The following KALRN variants were observed in gnomAD, a reference collection of about 807,000 sequenced individuals.
KALRN encodes the protein kalirin RhoGEF kinase.
In KALRN, 70 loss-of-function variants were observed where a neutral mutation model predicts 353.7. The observed-to-expected ratio is 0.20, with a 90% confidence interval of 0.16 to 0.24. The LOEUF is 0.24. KALRN is among the 10% of genes least tolerant of loss of function. KALRN has a pLI of 1.00. For missense variants in KALRN, 2,791 were observed against 3,756.7 expected (o/e 0.74, Z 6.72); for synonymous variants, 1,391 against 1,434.8 (o/e 0.97, Z 0.69).
intron 34 of KALRN, among the ~76,000 whole-genome samples, chr3:124,597,393 C>A (rs779293533): frequency 6.6e-6 from 1 of 152,178 alleles, no homozygotes; most frequent in Admixed American, 6.5e-5. Flanking sequence ...AACAGTGCTG[C>A]GAGGTCCTGC....
At chr3:124,651,027 C>T in intron 38 of KALRN, 89 bp downstream of exon 38, 2 of 1,495,066 alleles carry the variant, frequency 1.3e-6, no homozygotes, top group East Asian at 4.5e-5. Flanking sequence ...AGAGGGGTTC[C>T]CCACGCTGTT....
chr3:124,365,414 C>T (rs190496851), intron 10 of KALRN, among the ~76,000 whole-genome samples: 103 of 152,304 alleles, frequency 6.8e-4, no homozygotes, highest in African/African-American at 2.3e-3. Context: ...GGCTAGTCTG[C>T]ATTCCACGGG....
intron 13 of KALRN, among the ~76,000 whole-genome samples, chr3:124,411,278 G>T (rs372512883): frequency 9.9e-5 from 15 of 151,980 alleles, no homozygotes; most frequent in Non-Finnish European, 1.5e-4. Flanking sequence ...TTTTGGCGAT[G>T]ACTACATGGG....
rs754497724 is a variant in KALRN, at chr3:124,719,439, A to G, written c.8930A>G (p.Tyr2977Cys). ...CGGCCTATTCCCAATGTCAAGAGCTACATTGTCAACCGGGTGAACCAAGGG... is the reference window on the plus strand; with the variant it reads ...CGGCCTATTCCCAATGTCAAGAGCTGCATTGTCAACCGGGTGAACCAAGGG... ...DVRPIPNVKS[Y>C]IVNRVNQGT Residue 2977 changes from tyrosine (Y) to cysteine (C), a missense_variant, in exon 60 of 60, where the codon TAC becomes TGC. By Grantham distance (194) the Tyr-to-Cys change is radical. This residue lies in a region of KALRN where 32 missense variants were observed against 27.4 expected (regional missense o/e 1.17). Coordinates refer to ENST00000682506, the MANE Select transcript of KALRN (RefSeq NM_001388419.1). This position sits in a 1 kb window ranked among gnomAD's most constrained non-coding sequence, Gnocchi z 5.3. The G allele has an allele frequency of 7.4e-6, 12 of 1,613,748 alleles. No individual in the cohort carries two copies. The South Asian group carries it at 1.3e-4, about 18-fold the overall frequency.
At chr3:124,475,074 A>AT (rs1323526576) in intron 26 of KALRN, among the ~76,000 whole-genome samples, 1 of 152,124 alleles carries the variant, frequency 6.6e-6, no homozygotes, top group Non-Finnish European at 1.5e-5. Flanking sequence ...TTTAAAAAAA[A>AT]TTTTTTATCT....
chr3:124,482,108 A>G (rs1203315718), intron 27 of KALRN, among the ~76,000 whole-genome samples: 3 of 152,244 alleles, frequency 2.0e-5, no homozygotes, highest in Non-Finnish European at 4.4e-5. Flanking sequence ...TAGCCTGGGC[A>G]TGAGTGATGA....
intron 1 of KALRN, among the ~76,000 whole-genome samples, chr3:124,106,569 A>T (rs1347872761): frequency 1.3e-5 from 2 of 152,186 alleles, no homozygotes; most frequent in Non-Finnish European, 2.9e-5. Context: ...CAATCAAGAC[A>T]TCAGTTCCTC....
At chr3:124,196,974 A>G (rs1187162779) in intron 1 of KALRN, among the ~76,000 whole-genome samples, 1 of 152,230 alleles carries the variant, frequency 6.6e-6, no homozygotes, top group Admixed American at 6.5e-5. Flanking sequence ...AAGTCACACA[A>G]TTCTTGAGTG....
At chr3:124,372,401 G>A (rs1367560499) in intron 10 of KALRN, among the ~76,000 whole-genome samples, 1 of 151,906 alleles carries the variant, frequency 6.6e-6, no homozygotes, top group Non-Finnish European at 1.5e-5. Context: ...AGATTGTTTT[G>A]CCCAGGATCA....
At chr3:124,358,816 A>G (rs1879804) in intron 10 of KALRN, among the ~76,000 whole-genome samples, 79,486 of 152,054 alleles carry the variant, frequency 0.52, 21,780 homozygotes, top group East Asian at 0.76. Context: ...TCAAGTTGAT[A>G]GACCTAGTGA....
rs1024874226 is a variant in KALRN at position 124,720,253 on chromosome 3, C to T, written c.*783C>T. On this transcript the variant is annotated 3_prime_UTR_variant, in exon 60 of 60. Transcript: ENST00000682506. Reference sequence around the variant, plus strand: ...TTCTTTCTGTATATGAAACGCTCCCCGCAAATTCACTGGCAGCTCAGAATT... The same window carrying T: ...TTCTTTCTGTATATGAAACGCTCCCTGCAAATTCACTGGCAGCTCAGAATT... The T allele has an allele frequency of 3.3e-5, 5 of 152,582 alleles. No homozygotes were observed. Among genetic ancestry groups the T allele is most frequent in the South Asian group, 2.1e-4 (1 of 4,820 alleles). The allele number at this position is 152,582 out of a possible 1,614,324, so 9.5% of individuals were successfully genotyped here.
At chr3:124,444,760 AC>A (rs1280055712) in intron 19 of KALRN, among the ~76,000 whole-genome samples, 1 of 147,594 alleles carries the variant, frequency 6.8e-6, no homozygotes, top group Non-Finnish European at 1.5e-5. Context: ...ATGAGCTATG[AC>A]TGCACTCCAT....
chr3:124,341,926 A>C (rs1188585400), intron 9 of KALRN, among the ~76,000 whole-genome samples: 1 of 152,016 alleles, frequency 6.6e-6, no homozygotes, highest in Admixed American at 6.5e-5. Context: ...AGAGGAAAGG[A>C]TATGGAAAGT....
chr3:124,673,222 T>C (rs954859169), intron 48 of KALRN, among the ~76,000 whole-genome samples: 5 of 82,680 alleles, frequency 6.0e-5, no homozygotes, highest in East Asian at 1.2e-3. Context: ...TCATCTCTAA[T>C]AAAACTTTAA....
At chr3:124,411,433 CTTTTTTTTTTT>C (rs61485429) in intron 13 of KALRN, among the ~76,000 whole-genome samples, 3,089 of 51,674 alleles carry the variant, frequency 0.06, 249 homozygotes, top group African/African-American at 0.17. Flanking sequence ...TTAAATTATG[CTTTTTTTTTTT>C]TTTTTTTTTT....
chr3:124,341,244 T>C (rs1197386654), intron 9 of KALRN, among the ~76,000 whole-genome samples: 2 of 152,194 alleles, frequency 1.3e-5, no homozygotes, highest in Non-Finnish European at 2.9e-5. Context: ...TCTTTACAAG[T>C]TGTTACAAGA....
rs756114102 is a variant in KALRN, at chr3:124,666,427, C to T, written c.6346-22C>T. 9.3e-6 allele frequency: 15 copies of T among 1,611,800 alleles called. No individual in the cohort carries two copies. The South Asian group carries it at 1.4e-4, about 15-fold the overall frequency. ...CGCTCCCCATTTTTCATTCACTTCA[C>T]CCCAGCCCGTCTTTCCTTCAGGGCA... On this transcript the variant is annotated intron_variant, in intron 45 of 59. Transcript: ENST00000682506.
chr3:124,556,483 C>T (rs1216626483), intron 33 of KALRN, among the ~76,000 whole-genome samples: 1 of 152,114 alleles, frequency 6.6e-6, no homozygotes, highest in Non-Finnish European at 1.5e-5. Flanking sequence ...GAGAAGCCTT[C>T]AGAGTTTTAT....
Position 124,446,754 on chromosome 3 carries a change from C to G in KALRN, c.3430-9C>G. On this transcript the variant is annotated splice_polypyrimidine_tract_variant and intron_variant, in intron 20 of 59. Transcript: ENST00000682506. The stretch of plus-strand genomic sequence containing the variant: ...TTTTGGGGACTGGATGAGTTGTTTC[C>G]TCCCATAGGCGCTTGACTGGATCCA... 2 of 1,613,880 alleles carry G rather than the reference C, an allele frequency of 1.2e-6. No homozygotes were observed. The highest frequency in any genetic ancestry group is 1.7e-6 in the Non-Finnish European group (2 of 1,179,928).
Sources: allele counts gnomAD v4.1 joint callset (sites outside exome capture counted in the v4.1 genomes callset), GRCh38; gene constraint gnomAD v4.1.1; regional missense constraint gnomAD v4.1.1; non-coding constraint Gnocchi (gnomAD v3.1); transcripts MANE v1.5; gene names NCBI Gene and HGNC (gene_info 2026-07-23, HGNC 2026-07-21).